The following KLHL1 variants were observed in gnomAD, a reference collection of about 807,000 sequenced individuals.
The protein encoded by KLHL1 is kelch like family member 1.
In KLHL1, 47 loss-of-function variants were observed where a neutral mutation model predicts 77.7. The observed-to-expected ratio is 0.60, with a 90% CI of 0.48 to 0.77. The LOEUF (loss-of-function observed/expected upper bound fraction) is 0.77, where lower values mean the gene tolerates loss of function less well. KLHL1 is among the 30% of genes least tolerant of loss of function. The pLI is 0.00. For missense variants in KLHL1, 925 were observed against 910.8 expected (o/e 1.02, Z -0.20); for synonymous variants, 360 against 325.2 (o/e 1.11, Z -1.15).
At chr13:69,903,460 T>C (rs1881939020) in intron 4 of KLHL1, among the ~76,000 whole-genome samples, 1 of 149,970 alleles carries the variant, frequency 6.7e-6, no homozygotes, top group South Asian at 2.1e-4. Flanking sequence ...ACAAGCCTGA[T>C]TGAAATCTGA....
chr13:69,764,748 A>G (rs1013153253), intron 7 of KLHL1, among the ~76,000 whole-genome samples: 2 of 151,990 alleles, frequency 1.3e-5, no homozygotes, highest in Non-Finnish European at 2.9e-5. Context: ...GATCGACTCA[A>G]TTCTATTCTG....
chr13:70,065,504 T>TA (rs1418015160), intron 1 of KLHL1, among the ~76,000 whole-genome samples: 1 of 152,198 alleles, frequency 6.6e-6, no homozygotes, highest in African/African-American at 2.4e-5. Context: ...TACCTATTCT[T>TA]ACTACAATCA....
intron 3 of KLHL1, among the ~76,000 whole-genome samples, chr13:69,946,550 T>C (rs1170930669): frequency 1.3e-5 from 2 of 152,102 alleles, no homozygotes; most frequent in Admixed American, 6.6e-5. Context: ...TCTTATTCTG[T>C]CATCTGGGCT....
chr13:70,020,791 A>ATATATGTATC (rs1885769290), intron 1 of KLHL1, among the ~76,000 whole-genome samples: 1 of 151,984 alleles, frequency 6.6e-6, no homozygotes, highest in Non-Finnish European at 1.5e-5. Flanking sequence ...ATTGTGAGAT[A>ATATATGTATC]TATATGTATA....
At chr13:69,811,985 T>C (rs985731964) in intron 6 of KLHL1, among the ~76,000 whole-genome samples, 1 of 152,178 alleles carries the variant, frequency 6.6e-6, no homozygotes, top group African/African-American at 2.4e-5. Context: ...GTTCTTTTAA[T>C]TGTGATGTTA....
chr13:69,730,244 A>G (rs1873481672), intron 8 of KLHL1, among the ~76,000 whole-genome samples: 1 of 151,354 alleles, frequency 6.6e-6, no homozygotes, highest in South Asian at 2.1e-4. Context: ...AAAAATATGG[A>G]TAAGTAATGT....
At chr13:69,715,805 A>G (rs1876095774) in intron 9 of KLHL1, among the ~76,000 whole-genome samples, 1 of 152,122 alleles carries the variant, frequency 6.6e-6, no homozygotes, top group Non-Finnish European at 1.5e-5. Context: ...GAATGAGAAA[A>G]GGTTTGGGGG....
chr13:69,726,472 T>C (rs1253192716), intron 8 of KLHL1, among the ~76,000 whole-genome samples: 1 of 152,174 alleles, frequency 6.6e-6, no homozygotes, highest in Admixed American at 6.5e-5. Flanking sequence ...GGGATTTCAC[T>C]AAGCTACAAC....
At chr13:70,086,853 A>G (rs1887555403) in intron 1 of KLHL1, among the ~76,000 whole-genome samples, 1 of 152,084 alleles carries the variant, frequency 6.6e-6, no homozygotes, top group Non-Finnish European at 1.5e-5. Context: ...TCTTTCCTGA[A>G]TCCCTTTAAC....
chr13:69,713,852 G>A (rs1392539116), intron 9 of KLHL1, among the ~76,000 whole-genome samples: 1 of 152,002 alleles, frequency 6.6e-6, no homozygotes, highest in East Asian at 1.9e-4. Context: ...GGGTCATAGA[G>A]TAAACCTCAA....
intron 1 of KLHL1, among the ~76,000 whole-genome samples, chr13:70,086,499 T>G (rs1887539196): frequency 6.8e-6 from 1 of 146,552 alleles, no homozygotes; most frequent in Non-Finnish European, 1.5e-5. Flanking sequence ...GAGAATCTCT[T>G]TAGGCGGAGG....
At chr13:70,105,252 C>CA (rs1888022668) in intron 1 of KLHL1, among the ~76,000 whole-genome samples, 2 of 151,858 alleles carry the variant, frequency 1.3e-5, no homozygotes, top group African/African-American at 4.8e-5. Context: ...AAGTAAGAAA[C>CA]TTGTTAAGTC....
At chr13:69,842,962 A>G (rs74092604) in intron 5 of KLHL1, among the ~76,000 whole-genome samples, 2,821 of 151,924 alleles carry the variant, frequency 0.019, 84 homozygotes, top group African/African-American at 0.064. Context: ...ACATGTTCTC[A>G]CTTTTATGTG....
chr13:69,715,445 C>T (rs1876074676), intron 9 of KLHL1, among the ~76,000 whole-genome samples: 1 of 152,078 alleles, frequency 6.6e-6, no homozygotes. Context: ...TGATTGAGGC[C>T]TCATCAGCCA....
rs544806178 is a variant in KLHL1 at position 69,964,539 on chromosome 13, T to C, written c.681-3095A>G. 1.4e-3 allele frequency among the ~76,000 whole-genome samples: 212 copies of C among 152,272 alleles called. 3 individuals carry two copies. The highest frequency in any genetic ancestry group is 5.0e-3 in the African/African-American group (207 of 41,544). ...AGTGCATGGATCCTTTTAAATCAAA[T>C]TTTGAAAATTATCTGCAAATAATTA... On this transcript the variant is annotated intron_variant, in intron 2 of 10. Coordinates refer to ENST00000377844, the MANE Select transcript of KLHL1 (RefSeq NM_020866.3).
In KLHL1 at chr13:69,971,807, T is replaced by C. The variant is rs146558317; in HGVS notation, c.680+3813A>G. Among the ~76,000 whole-genome samples the C allele has an allele frequency of 9.1e-4, 138 of 152,196 alleles. No individual in the cohort carries two copies. In the East Asian group the frequency reaches 0.025, roughly 28 times the overall value. ...GAAAACTCTACAAGGAAAAACATTA[T>C]GTTTTATAATCATTATGCATCATCA... On this transcript the variant is annotated intron_variant, in intron 2 of 10. Coordinates refer to ENST00000377844, the MANE Select transcript of KLHL1 (RefSeq NM_020866.3).
chr13:69,975,299 A>G (rs7332166), intron 2 of KLHL1, among the ~76,000 whole-genome samples: 49,011 of 151,836 alleles, frequency 0.32, 8,368 homozygotes, highest in African/African-American at 0.42. Context: ...AATTAGTATG[A>G]CTGTGAATCC....
chr13:69,780,731 TACATATATATATAC>T (rs1463311764), intron 7 of KLHL1, among the ~76,000 whole-genome samples: 946 of 74,886 alleles, frequency 0.013, 18 homozygotes, highest in Non-Finnish European at 0.02. Context: ...TATATATATA[TACATATATATATAC>T]ATATATATAT....
At chr13:70,002,363 T>A (rs1161982196) in intron 1 of KLHL1, among the ~76,000 whole-genome samples, 1 of 151,186 alleles carries the variant, frequency 6.6e-6, no homozygotes, top group African/African-American at 2.4e-5. Context: ...GAAAATAAAA[T>A]CAATTGGATT....
Sources: allele counts gnomAD v4.1 joint callset (sites outside exome capture counted in the v4.1 genomes callset), GRCh38; gene constraint gnomAD v4.1.1; transcripts MANE v1.5; gene names NCBI Gene and HGNC (gene_info 2026-07-23, HGNC 2026-07-21).